IMMP2L: variants seen among roughly 807,000 people sequenced by gnomAD.
The protein encoded by IMMP2L is inner mitochondrial membrane peptidase subunit 2, also known as mitochondrial inner membrane protease subunit 2.
Under a neutral mutation model 19.3 loss-of-function variants are expected in IMMP2L, and 18 were observed. That is an observed-to-expected ratio of 0.93 (90% CI 0.64 to 1.38). The LOEUF is 1.38. IMMP2L is among the 40% of genes most tolerant of loss of function. The pLI is 0.00. For missense variants in IMMP2L, 233 were observed against 218.2 expected (o/e 1.07, Z -0.43); for synonymous variants, 76 against 73.0 (o/e 1.04, Z -0.21).
intron 5 of IMMP2L, among the ~76,000 whole-genome samples, chr7:110,819,996 G>C (rs965792756): frequency 2.0e-5 from 3 of 151,810 alleles, no homozygotes; most frequent in Non-Finnish European, 4.4e-5. Context: ...TCTAGAGTAT[G>C]ACAATCTAGC....
chr7:111,427,769 T>A (rs909531120), intron 3 of IMMP2L, among the ~76,000 whole-genome samples: 3 of 151,808 alleles, frequency 2.0e-5, no homozygotes, highest in Admixed American at 2.0e-4. Context: ...ACGACAGTAT[T>A]AAATTATAAA....
chr7:111,219,177 T>C (rs1812265807), intron 3 of IMMP2L, among the ~76,000 whole-genome samples: 1 of 152,096 alleles, frequency 6.6e-6, no homozygotes, highest in Admixed American at 6.6e-5. Context: ...TGGAAATTTC[T>C]AACTTACTCT....
rs140602629 is a variant in IMMP2L at position 111,068,882 on chromosome 7, C to T, written c.240-105317G>A. Among the ~76,000 whole-genome samples the T allele has an allele frequency of 3.7e-3, 559 of 152,236 alleles. 2 individuals are homozygous for T. Among genetic ancestry groups the T allele is most frequent in the Non-Finnish European group, 4.6e-3 (312 of 68,026 alleles). On this transcript the variant is annotated intron_variant, in intron 3 of 5. Coordinates refer to ENST00000405709, the MANE Select transcript of IMMP2L (RefSeq NM_032549.4). Reference sequence around the variant, plus strand: ...ACTCAAATCCCATTTGTTGTTCTGTCCACTAAGTTAGTGGGCTATCAGGGA... The same window carrying T: ...ACTCAAATCCCATTTGTTGTTCTGTTCACTAAGTTAGTGGGCTATCAGGGA...
At chr7:111,341,835 T>C (rs963256017) in intron 3 of IMMP2L, among the ~76,000 whole-genome samples, 1 of 152,138 alleles carries the variant, frequency 6.6e-6, no homozygotes, top group Non-Finnish European at 1.5e-5. Flanking sequence ...TCCACCTTTA[T>C]GCGGAGATTC....
At chr7:110,948,846 G>A (rs1279080481) in intron 4 of IMMP2L, among the ~76,000 whole-genome samples, 1 of 152,146 alleles carries the variant, frequency 6.6e-6, no homozygotes, top group Non-Finnish European at 1.5e-5. Context: ...CCCTCAACGT[G>A]GACGGGCATC....
At chr7:111,544,255 G>A (rs1026708038) in intron 1 of IMMP2L, among the ~76,000 whole-genome samples, 1 of 151,816 alleles carries the variant, frequency 6.6e-6, no homozygotes, top group African/African-American at 2.4e-5. Context: ...CGTGGGGTGG[G>A]GGGATGGGGT....
chr7:111,502,838 T>A (rs1585391901), intron 2 of IMMP2L, among the ~76,000 whole-genome samples: 2 of 151,068 alleles, frequency 1.3e-5, no homozygotes, highest in Admixed American at 1.3e-4. Context: ...GAGGGAAATT[T>A]ATAGCACTAA....
At chr7:111,216,558 T>G (rs1811943855) in intron 3 of IMMP2L, among the ~76,000 whole-genome samples, 1 of 152,258 alleles carries the variant, frequency 6.6e-6, no homozygotes. Context: ...AAATTTATTC[T>G]CTTAGCAATT....
At chr7:111,102,877 T>C (rs1798129152) in intron 3 of IMMP2L, among the ~76,000 whole-genome samples, 1 of 151,518 alleles carries the variant, frequency 6.6e-6, no homozygotes, top group Non-Finnish European at 1.5e-5. Context: ...ATAAATCTCA[T>C]TGTAAACTTA....
At chr7:110,749,851 CAA>C (rs1797615688) in intron 5 of IMMP2L, among the ~76,000 whole-genome samples, 1 of 152,078 alleles carries the variant, frequency 6.6e-6, no homozygotes, top group African/African-American at 2.4e-5. Flanking sequence ...ACCTATGTAA[CAA>C]ACCTGCACAT....
At chr7:111,351,923 T>A (rs1828201365) in intron 3 of IMMP2L, among the ~76,000 whole-genome samples, 1 of 152,218 alleles carries the variant, frequency 6.6e-6, no homozygotes, top group Non-Finnish European at 1.5e-5. Flanking sequence ...TGCAGCTGAA[T>A]CTGATTTGGT....
chr7:111,019,019 A>G (rs1051983068), intron 3 of IMMP2L, among the ~76,000 whole-genome samples: 9 of 151,766 alleles, frequency 5.9e-5, no homozygotes, highest in African/African-American at 2.2e-4. Flanking sequence ...ACTTCTAAAT[A>G]GAGGATACAC....
chr7:111,107,107 G>C (rs1407951990), intron 3 of IMMP2L, among the ~76,000 whole-genome samples: 1 of 151,894 alleles, frequency 6.6e-6, no homozygotes, highest in African/African-American at 2.4e-5. Context: ...ACAATACTTA[G>C]AATCTCTCTC....
chr7:111,021,553 G>A (rs572281440), intron 3 of IMMP2L, among the ~76,000 whole-genome samples: 6 of 152,276 alleles, frequency 3.9e-5, no homozygotes, highest in Admixed American at 3.3e-4. Flanking sequence ...ATGGCAGCAG[G>A]CAAGAGAGCT....
At chr7:111,047,111 C>G (rs1250950776) in intron 3 of IMMP2L, among the ~76,000 whole-genome samples, 3 of 152,152 alleles carry the variant, frequency 2.0e-5, no homozygotes, top group African/African-American at 7.2e-5. Flanking sequence ...CACATCGTTA[C>G]CTCTGCTGGG....
At chr7:111,008,216 C>T (rs771937439) in intron 3 of IMMP2L, among the ~76,000 whole-genome samples, 3 of 152,020 alleles carry the variant, frequency 2.0e-5, no homozygotes, top group Non-Finnish European at 4.4e-5. Flanking sequence ...TGCTCACATC[C>T]ACCAAGGGAT....
chr7:110,967,795 T>C (rs1013309027), intron 3 of IMMP2L, among the ~76,000 whole-genome samples: 12 of 152,062 alleles, frequency 7.9e-5, no homozygotes, highest in Non-Finnish European at 1.5e-4. Context: ...TTTAAAAATA[T>C]ATGTTTTTCT....
intron 5 of IMMP2L, among the ~76,000 whole-genome samples, chr7:110,816,959 C>A (rs375702219): frequency 2.0e-5 from 3 of 152,182 alleles, no homozygotes; most frequent in Admixed American, 2.0e-4. Context: ...GCATTTAGCC[C>A]ATTTACATTT....
At chr7:111,021,685 C>G (rs1826292308) in intron 3 of IMMP2L, among the ~76,000 whole-genome samples, 2 of 152,192 alleles carry the variant, frequency 1.3e-5, no homozygotes, top group Non-Finnish European at 2.9e-5. Flanking sequence ...GAGTTCGAGG[C>G]CAGCCGGGCC....
Sources: gnomAD v4.1 joint callset for allele counts (sites outside exome capture counted in the v4.1 genomes callset) on GRCh38, gnomAD v4.1.1 for gene constraint, MANE v1.5 for transcripts, NCBI Gene and HGNC (gene_info 2026-07-23, HGNC 2026-07-21) for gene names.